KIAA0586: variants seen among roughly 807,000 people sequenced by gnomAD.
KIAA0586 encodes the protein KIAA0586.
KIAA0586 carries 144 observed loss-of-function variants against 169.8 expected under a neutral mutation model. The observed-to-expected ratio is 0.85, with a 90% CI of 0.74 to 0.97. The LOEUF (loss-of-function observed/expected upper bound fraction) is 0.97, where lower values mean the gene tolerates loss of function less well. KIAA0586 is among the 50% of genes least tolerant of loss of function. The pLI, the probability that KIAA0586 is intolerant of heterozygous loss-of-function variation, is 0.00. For missense variants in KIAA0586, 1,854 were observed against 1,823.0 expected (o/e 1.02, Z -0.31); for synonymous variants, 625 against 612.4 (o/e 1.02, Z -0.30).
intron 3 of KIAA0586, among the ~76,000 whole-genome samples, 191 bp from the exon 4 acceptor site, chr14:58,432,197 T>C (rs1429492729): frequency 6.6e-6 from 1 of 152,184 alleles, no homozygotes; most frequent in African/African-American, 2.4e-5. Flanking sequence ...TGATGTTGGC[T>C]GTGGGTTTGG....
chr14:58,494,611 A>G (rs2043044339), intron 26 of KIAA0586, among the ~76,000 whole-genome samples: 1 of 151,802 alleles, frequency 6.6e-6, no homozygotes, highest in African/African-American at 2.4e-5. Flanking sequence ...GCAGCACAGA[A>G]CCACCCTTGG....
intron 17 of KIAA0586, among the ~76,000 whole-genome samples, chr14:58,471,117 C>T (rs993225325): frequency 1.3e-5 from 2 of 152,082 alleles, no homozygotes; most frequent in Non-Finnish European, 2.9e-5. Flanking sequence ...CTCCCAAGTT[C>T]GGGAATTACA....
At chr14:58,439,738 A>G (rs1263621977) in intron 4 of KIAA0586, 1 of 637,472 alleles carries the variant, frequency 1.6e-6, no homozygotes, top group African/African-American at 2.0e-5. Flanking sequence ...AGACTGAGAG[A>G]AAAATGTTAT....
chr14:58,450,522 A>T (rs1011622487), intron 7 of KIAA0586, 57 bp from the exon 8 acceptor site: 9 of 1,012,434 alleles, frequency 8.9e-6, no homozygotes, highest in Non-Finnish European at 1.2e-5. Flanking sequence ...GTAATATGCT[A>T]TAATTTTTAA....
chr14:58,459,920 G>C lies in KIAA0586; in HGVS notation c.1734G>C (p.Met578Ile), dbSNP rs1566827456. 3 of 1,533,680 alleles carry C rather than the reference G, an allele frequency of 2.0e-6. No homozygotes were observed. The highest frequency in any genetic ancestry group is 1.2e-5 in the South Asian group (1 of 83,874). The change falls in exon 13 of 31, where the codon ATG becomes ATC. Residue 578 changes from methionine to isoleucine, a missense_variant. Met to Ile is a conservative substitution (Grantham distance 10). Transcript: ENST00000652326. ...KNQRTKKGQN[M>I]TKDIRTNTQD... The stretch of plus-strand genomic sequence containing the variant: ...AGAGAACCAAGAAAGGTCAGAATAT[G>C]ACTAAAGATATTAGAACCAACACAC...
intron 20 of KIAA0586, among the ~76,000 whole-genome samples, chr14:58,478,918 T>G (rs1208225947): frequency 6.6e-6 from 1 of 152,246 alleles, no homozygotes. Flanking sequence ...AATAGTATAA[T>G]GTATAGATAT....
chr14:58,457,537 G>T (rs1296539613), intron 10 of KIAA0586, among the ~76,000 whole-genome samples: 1 of 152,144 alleles, frequency 6.6e-6, no homozygotes, highest in Non-Finnish European at 1.5e-5. Flanking sequence ...CAAAGTGTTG[G>T]GATTACAGGC....
intron 29 of KIAA0586, among the ~76,000 whole-genome samples, chr14:58,532,329 A>C (rs1218669225): frequency 1.3e-5 from 2 of 152,180 alleles, no homozygotes; most frequent in Non-Finnish European, 2.9e-5. Flanking sequence ...CTTACTTCAG[A>C]ATTACCTTGC....
At chr14:58,430,552 C>T (rs1595060582) in intron 2 of KIAA0586, 96 bp from the exon 3 acceptor site, 1 of 699,454 alleles carries the variant, frequency 1.4e-6, no homozygotes. Context: ...GTCCTGCCCT[C>T]CCAGAACACA....
In KIAA0586 at chr14:58,470,610, TAGGTATTACCC is replaced by T; in HGVS notation, c.2443_2453del (p.Val815CysfsTer4). 10 of 1,529,260 alleles carry T rather than the reference TAGGTATTACCC, an allele frequency of 6.5e-6. No individual in the cohort carries two copies. The highest frequency in any genetic ancestry group is 9.1e-6 in the Non-Finnish European group (10 of 1,104,000). The allele number at this position is 1,529,260 out of a possible 1,614,324, so 94.7% of individuals were successfully genotyped here. ...GAAAGCTGAATGTTGTATTCTGTTT[TAGGTATTACCC>T]AGTGTAGATATTGACAGCATTTCAA... On this transcript the variant is annotated splice_acceptor_variant and coding_sequence_variant, in exon 17 of 31. Coordinates refer to ENST00000652326, the MANE Select transcript of KIAA0586 (RefSeq NM_001329943.3). LOFTEE classifies it high-confidence loss of function.
chr14:58,519,786 T>C (rs898409835), intron 29 of KIAA0586, among the ~76,000 whole-genome samples: 2 of 152,200 alleles, frequency 1.3e-5, no homozygotes, highest in African/African-American at 4.8e-5. Context: ...GTTCATGGAA[T>C]TGAATTTGAT....
chr14:58,526,119 G>A (rs755988061), intron 29 of KIAA0586, among the ~76,000 whole-genome samples: 4 of 152,184 alleles, frequency 2.6e-5, no homozygotes, highest in Non-Finnish European at 4.4e-5. Flanking sequence ...GGGAAGGGGC[G>A]GCTGTGGGTG....
At position 58,482,576 on chromosome 14, in the gene KIAA0586, A is replaced by AACC; in HGVS notation, c.3008_3009insACC (p.Asn1003delinsLysPro). 1 of 1,602,186 alleles carries AACC rather than the reference A, an allele frequency of 6.2e-7. No homozygotes were observed. The highest frequency in any genetic ancestry group is 8.5e-7 in the Non-Finnish European group (1 of 1,173,468). ...GATGCTGGTGTTCCTGTGAACTCAAATGTGATTAAACATTTTGTTAACGAA... is the reference window on the plus strand; with the variant it reads ...GATGCTGGTGTTCCTGTGAACTCAAAACCTGTGATTAAACATTTTGTTAACGAA... On this transcript the variant is annotated protein_altering_variant, in exon 21 of 31. Transcript: ENST00000652326.
At chr14:58,545,644 T>C (rs779648068) in intron 30 of KIAA0586, among the ~76,000 whole-genome samples, 24 of 152,210 alleles carry the variant, frequency 1.6e-4, no homozygotes, top group Admixed American at 1.2e-3. Flanking sequence ...CCCTCAGTTA[T>C]TTTGTGTATT....
chr14:58,507,324 T>C (rs1052148084), intron 27 of KIAA0586, among the ~76,000 whole-genome samples: 3 of 146,542 alleles, frequency 2.0e-5, no homozygotes, highest in African/African-American at 7.5e-5. Flanking sequence ...TATATATTTA[T>C]ATATGATATA....
Position 58,487,893 on chromosome 14 carries a change from A to G in KIAA0586, c.3311A>G (p.Asp1104Gly), listed in dbSNP as rs769559059. 8 of 1,610,740 alleles carry G rather than the reference A, an allele frequency of 5.0e-6. No individual in the cohort carries two copies. The highest frequency in any genetic ancestry group is 6.8e-6 in the Non-Finnish European group (8 of 1,177,782). ...VKEICAEKGDDMPAIMLVNTP... is the reference protein window; with the variant it reads ...VKEICAEKGDGMPAIMLVNTP... ...TTTAAAAAAAAACCTTTAGGAGATG[A>G]TATGCCTGCCATCATGCTTGTTAAT... Residue 1104 changes from aspartate to glycine, a missense_variant, in exon 23 of 31, where the codon GAT (aspartate) becomes GGT (glycine). By Grantham distance (94) the Asp-to-Gly change is moderately conservative (BLOSUM62 -1). Transcript: ENST00000652326.
intron 29 of KIAA0586, among the ~76,000 whole-genome samples, chr14:58,513,560 G>T (rs912898249): frequency 6.6e-6 from 1 of 150,896 alleles, no homozygotes; most frequent in Non-Finnish European, 1.5e-5. Flanking sequence ...CAAGTTTTCA[G>T]AACTTTGTCC....
At chr14:58,551,438 A>ATAGTT (rs1389494229), downstream of KIAA0586, 2 of 152,134 alleles carry the variant, frequency 1.3e-5, no homozygotes, top group Non-Finnish European at 2.9e-5. Context: ...TTTTAAGTTC[A>ATAGTT]TAGTGTATTA....
intron 30 of KIAA0586, among the ~76,000 whole-genome samples, chr14:58,546,033 CA>C (rs555674140): frequency 6.6e-6 from 1 of 151,168 alleles, no homozygotes. Context: ...GACCCTGTCT[CA>C]AAAAAAAGAT....
Sources: gnomAD v4.1 joint callset for allele counts (sites outside exome capture counted in the v4.1 genomes callset) on GRCh38, gnomAD v4.1.1 for gene constraint, MANE v1.5 for transcripts, NCBI Gene and HGNC (gene_info 2026-07-23, HGNC 2026-07-21) for gene names.